The following DNAH11 variants were observed in gnomAD, a reference collection of about 807,000 sequenced individuals.
DNAH11 encodes dynein axonemal heavy chain 11, also known as axonemal beta dynein heavy chain 11.
A neutral mutation model predicts 526.0 loss-of-function variants in DNAH11; 442 were observed. That is an observed-to-expected ratio of 0.84 (90% CI 0.78 to 0.91). DNAH11 has a LOEUF of 0.91. Among genes scored for constraint, DNAH11 ranks in the 40% least tolerant of loss-of-function variants. The pLI, the probability that DNAH11 is intolerant of heterozygous loss-of-function variation, is 0.00. For synonymous variants in DNAH11, 2,461 were observed against 1,935.9 expected (o/e 1.27, Z -7.12); for missense variants, 6,989 against 5,448.7 (o/e 1.28, Z -8.90).
chr7:21,835,002 A>G (rs1781939372), intron 65 of DNAH11, among the ~76,000 whole-genome samples: 1 of 152,212 alleles, frequency 6.6e-6, no homozygotes, highest in African/African-American at 2.4e-5. Flanking sequence ...CCAACAAAAT[A>G]GAAAACCTAG....
In DNAH11 at chr7:21,745,049, T is replaced by G. The variant is rs765719241; in HGVS notation, c.8496T>G (p.Asp2832Glu). ...CCATGCACCTAGTTTTGTTTGAAGATGCCATGCAACATGTGTGAGTTAACT... is the reference window on the plus strand; with the variant it reads ...CCATGCACCTAGTTTTGTTTGAAGAGGCCATGCAACATGTGTGAGTTAACT... ...NAAMHLVLFE[D>E]AMQHVCRISR... Residue 2832 changes from aspartate (D) to glutamate (E), a missense_variant, in exon 51 of 82, where the codon GAT becomes GAG. Physicochemically the swap from Asp to Glu is conservative, Grantham distance 45. Coordinates refer to ENST00000409508, the MANE Select transcript of DNAH11 (RefSeq NM_001277115.2). 2.5e-6 allele frequency: 4 copies of G among 1,607,408 alleles called. No individual in the cohort carries two copies. Among genetic ancestry groups the G allele is most frequent in the Non-Finnish European group, 2.5e-6 (3 of 1,176,776 alleles).
chr7:21,722,321 G>T (rs988847449), intron 44 of DNAH11, among the ~76,000 whole-genome samples: 11 of 152,074 alleles, frequency 7.2e-5, no homozygotes, highest in Admixed American at 6.5e-5. Flanking sequence ...TGGTACCTCA[G>T]GGCCTCTCAT....
intron 28 of DNAH11, among the ~76,000 whole-genome samples, chr7:21,647,552 C>T (rs976858306): frequency 2.0e-5 from 3 of 151,628 alleles, no homozygotes; most frequent in African/African-American, 7.3e-5. Flanking sequence ...GCCTCAGCCT[C>T]CTGAGTAGCT....
chr7:21,674,479 G>A (rs1745140907), intron 30 of DNAH11, among the ~76,000 whole-genome samples: 1 of 152,118 alleles, frequency 6.6e-6, no homozygotes, highest in African/African-American at 2.4e-5. Context: ...CCATGCCTCA[G>A]CCTCCCAAGT....
At chr7:21,745,180 T>G (rs1013832876) in intron 51 of DNAH11, 117 bp downstream of exon 51, 2 of 1,038,996 alleles carry the variant, frequency 1.9e-6, no homozygotes, top group Admixed American at 3.2e-5. Flanking sequence ...TATCTGCTGT[T>G]TGACATATAA....
chr7:21,814,280 G>A (rs901610375), intron 63 of DNAH11, among the ~76,000 whole-genome samples: 2 of 151,988 alleles, frequency 1.3e-5, no homozygotes, highest in Non-Finnish European at 2.9e-5. Flanking sequence ...GGACATTACT[G>A]TATACAACTG....
chr7:21,868,298 G>GC (rs200253097), intron 72 of DNAH11, among the ~76,000 whole-genome samples: 2,232 of 152,090 alleles, frequency 0.015, 27 homozygotes, highest in African/African-American at 0.023. Flanking sequence ...GTAATCTTGT[G>GC]CCCCCTGTGA....
intron 63 of DNAH11, among the ~76,000 whole-genome samples, chr7:21,812,902 T>C (rs1361327302): frequency 6.6e-6 from 1 of 152,048 alleles, no homozygotes; most frequent in Admixed American, 6.6e-5. Context: ...CAGCCTGGGG[T>C]TGACGGCCAT....
chr7:21,571,062 A>G (rs1299351956), intron 7 of DNAH11, among the ~76,000 whole-genome samples: 1 of 152,152 alleles, frequency 6.6e-6, no homozygotes, highest in Admixed American at 6.5e-5. Flanking sequence ...CTGTCTCTGA[A>G]TGTGAAATAC....
At chr7:21,875,877 CTTTTTTTTTTTTTT>C (rs35349937) in intron 74 of DNAH11, among the ~76,000 whole-genome samples, 1 of 78,912 alleles carries the variant, frequency 1.3e-5, no homozygotes, top group East Asian at 4.0e-4. Flanking sequence ...AAGAATATTT[CTTTTTTTTTTTTTT>C]TTTTTTTTTT....
intron 2 of DNAH11, among the ~76,000 whole-genome samples, chr7:21,555,925 A>G (rs930078306): frequency 2.0e-5 from 3 of 152,194 alleles, no homozygotes; most frequent in African/African-American, 7.2e-5. Context: ...GAACCCAAAG[A>G]ATGGACTTGG....
intron 44 of DNAH11, among the ~76,000 whole-genome samples, chr7:21,724,062 G>A (rs570036635): frequency 3.9e-5 from 6 of 152,246 alleles, no homozygotes; most frequent in South Asian, 2.1e-4. Context: ...GAACAGATGC[G>A]TTTTAGTTGA....
At chr7:21,761,648 T>G (rs2128496746) in intron 54 of DNAH11, among the ~76,000 whole-genome samples, 1 of 152,270 alleles carries the variant, frequency 6.6e-6, no homozygotes, top group African/African-American at 2.4e-5. Context: ...AGGATTTGCA[T>G]TTCCAACCAG....
intron 31 of DNAH11, among the ~76,000 whole-genome samples, chr7:21,683,527 A>C (rs914067003): frequency 1.3e-5 from 2 of 152,270 alleles, no homozygotes; most frequent in Non-Finnish European, 2.9e-5. Context: ...GGGGTGATTC[A>C]TAAAAGAGGA....
At position 21,901,495 on chromosome 7, in the gene DNAH11, G is replaced by A. The variant is rs1400054357; in HGVS notation, c.*241G>A. On this transcript the variant is annotated 3_prime_UTR_variant, in exon 82 of 82. Transcript: ENST00000409508. ...GAGGTAGGAGAATCACTTGAACCTA[G>A]GAGGCAAAGGTTGCAGTGAGCCGAG... The A allele has an allele frequency of 1.5e-5, 6 of 389,504 alleles. No individual in the cohort carries two copies. The highest frequency in any genetic ancestry group is 6.2e-5 in the African/African-American group (3 of 48,112). The allele number at this position is 389,504 out of a possible 1,614,324, so 24.1% of individuals were successfully genotyped here.
chr7:21,875,874 TTTC>T (rs1783687267), intron 74 of DNAH11, among the ~76,000 whole-genome samples: 1 of 140,680 alleles, frequency 7.1e-6, no homozygotes, highest in Non-Finnish European at 1.5e-5. Context: ...AGGAAGAATA[TTTC>T]TTTTTTTTTT....
chr7:21,717,552 A>G (rs1031239847), intron 42 of DNAH11, among the ~76,000 whole-genome samples: 1 of 152,254 alleles, frequency 6.6e-6, no homozygotes, highest in East Asian at 1.9e-4. Context: ...GAGTGCTATT[A>G]GGAGTTTCTT....
At chr7:21,553,230 T>C (rs1783092193) in intron 2 of DNAH11, among the ~76,000 whole-genome samples, 1 of 152,014 alleles carries the variant, frequency 6.6e-6, no homozygotes, top group Non-Finnish European at 1.5e-5. Context: ...CATTATTACT[T>C]TTATTTGTCC....
chr7:21,747,065 C>A (rs17145214), intron 51 of DNAH11, among the ~76,000 whole-genome samples: 1 of 152,190 alleles, frequency 6.6e-6, no homozygotes, highest in East Asian at 1.9e-4. Flanking sequence ...GATTTCAGAG[C>A]GTGTCCTTGA....
Sources: gnomAD v4.1 joint callset for allele counts (sites outside exome capture counted in the v4.1 genomes callset) on GRCh38, gnomAD v4.1.1 for gene constraint, MANE v1.5 for transcripts, NCBI Gene and HGNC (gene_info 2026-07-23, HGNC 2026-07-21) for gene names.